SLC9A1: variants seen among roughly 807,000 people sequenced by gnomAD.
SLC9A1 encodes sodium/hydrogen exchanger 1.
A neutral mutation model predicts 67.9 loss-of-function variants in SLC9A1; 22 were observed. That is an observed-to-expected ratio of 0.32 (90% CI 0.23 to 0.46). The LOEUF (loss-of-function observed/expected upper bound fraction) is 0.46, where lower values mean the gene tolerates loss of function less well. Ranked by LOEUF, SLC9A1 falls within the 20% of genes least tolerant of loss-of-function variation. SLC9A1 has a pLI of 1.00. For synonymous variants in SLC9A1, 421 were observed against 471.8 expected, an observed-to-expected ratio of 0.89 and a Z score of 1.40; for missense variants, 686 against 1,094.8, an observed-to-expected ratio of 0.63 and a Z score of 5.27.
chr1:27,139,135 CT>C (rs1358965436), intron 1 of SLC9A1, among the ~76,000 whole-genome samples: 1 of 152,180 alleles, frequency 6.6e-6, no homozygotes, highest in East Asian at 1.9e-4. Flanking sequence ...CTCACCCAGA[CT>C]TTTCCTGCAG....
chr1:27,105,127 G>T (rs977959078), intron 5 of SLC9A1, among the ~76,000 whole-genome samples: 16 of 152,170 alleles, frequency 1.1e-4, no homozygotes, highest in Admixed American at 9.2e-4. Flanking sequence ...GCTGACTCCA[G>T]GCCTCCTGCT....
intron 1 of SLC9A1, among the ~76,000 whole-genome samples, chr1:27,149,477 C>T (rs192468465): frequency 3.1e-4 from 47 of 152,370 alleles, no homozygotes; most frequent in Admixed American, 6.5e-4. Context: ...AAAACACACA[C>T]ACCCGTTCAA....
chr1:27,152,035 A>G (rs2083531918), intron 1 of SLC9A1, among the ~76,000 whole-genome samples: 1 of 152,160 alleles, frequency 6.6e-6, no homozygotes, highest in Non-Finnish European at 1.5e-5. Context: ...AGATCAACTG[A>G]TGGGTAGGGA....
At chr1:27,127,383 C>T (rs912427649) in intron 1 of SLC9A1, among the ~76,000 whole-genome samples, 1 of 152,212 alleles carries the variant, frequency 6.6e-6, no homozygotes, top group African/African-American at 2.4e-5. Context: ...AGACTTTTCT[C>T]TCGCCCTCAC....
intron 1 of SLC9A1, among the ~76,000 whole-genome samples, chr1:27,143,084 T>C (rs1347273060): frequency 6.8e-6 from 1 of 147,642 alleles, no homozygotes; most frequent in East Asian, 2.0e-4. Context: ...GAGTCTATCA[T>C]GGGCCTTCTC....
At chr1:27,134,477 C>A (rs941511458) in intron 1 of SLC9A1, among the ~76,000 whole-genome samples, 1 of 152,154 alleles carries the variant, frequency 6.6e-6, no homozygotes, top group Non-Finnish European at 1.5e-5. Context: ...GATGAGAAAA[C>A]CAAAGCTCAG....
intron 1 of SLC9A1, among the ~76,000 whole-genome samples, chr1:27,125,229 TTTTC>T (rs2083333196): frequency 7.7e-6 from 1 of 129,484 alleles, no homozygotes; most frequent in Non-Finnish European, 1.6e-5. Context: ...CCTTCCTTCC[TTTTC>T]TTTCTTTTTT....
intron 1 of SLC9A1, among the ~76,000 whole-genome samples, chr1:27,139,708 A>G (rs1478161509): frequency 6.6e-6 from 1 of 151,988 alleles, no homozygotes; most frequent in Admixed American, 6.5e-5. Context: ...GCAAAGGTCA[A>G]TGGTTCTGCA....
In SLC9A1 at chr1:27,101,381, T is replaced by A; in HGVS notation, c.2038-106A>T. On this transcript the variant is annotated intron_variant, in intron 10 of 11. Coordinates refer to ENST00000263980, the MANE Select transcript of SLC9A1 (RefSeq NM_003047.5). This position sits in a 1 kb window ranked among gnomAD's most constrained non-coding sequence, Gnocchi z 4.9. ...CCCACCTTTCGTATATGCAGGGCGC[T>A]TGCTCCCCCTCCCTTGTGCCTGTGT... 1.2e-6 allele frequency: 1 copy of A among 838,806 alleles called. No homozygotes were observed. The highest frequency in any genetic ancestry group is 1.9e-6 in the Non-Finnish European group (1 of 515,784). 52.0% of individuals were successfully genotyped at this position (838,806 alleles called of 1,614,324 possible). A position where few individuals can be genotyped will look rare whatever the true frequency, so the allele number is the denominator to read the frequency against.
At chr1:27,115,577 C>T (rs2083267061) in intron 1 of SLC9A1, among the ~76,000 whole-genome samples, 1 of 151,932 alleles carries the variant, frequency 6.6e-6, no homozygotes, top group African/African-American at 2.4e-5. Context: ...TTTTAGGAGG[C>T]TGAGGTGGGA....
At chr1:27,121,003 T>C (rs1341370080) in intron 1 of SLC9A1, among the ~76,000 whole-genome samples, 4 of 152,138 alleles carry the variant, frequency 2.6e-5, no homozygotes, top group African/African-American at 7.2e-5. Flanking sequence ...AGAAAACAGC[T>C]TGTCAGGATC....
Position 27,154,495 on chromosome 1 carries a change from G to A in SLC9A1, c.-161C>T. ...CCATGGAAGCAATTTTCTGGGGGTGGAGGGAGGCTGGGTTTGCAATCTGGA... is the reference window on the plus strand; with the variant it reads ...CCATGGAAGCAATTTTCTGGGGGTGAAGGGAGGCTGGGTTTGCAATCTGGA... On this transcript the variant is annotated 5_prime_UTR_variant, in exon 1 of 12. Transcript: ENST00000263980. The A allele has an allele frequency of 1.9e-6, 1 of 533,916 alleles. No individual in the cohort carries two copies. Among genetic ancestry groups the A allele is most frequent in the South Asian group, 2.9e-5 (1 of 34,008 alleles). 33.1% of individuals were successfully genotyped at this position (533,916 alleles called of 1,614,324 possible).
At position 27,124,679 on chromosome 1, in the gene SLC9A1, C is replaced by T. The variant is rs531377183; in HGVS notation, c.353-10393G>A. 3.9e-5 allele frequency among the ~76,000 whole-genome samples: 6 copies of T among 152,306 alleles called. No homozygotes were observed. In the South Asian group the frequency reaches 1.2e-3, roughly 32 times the overall value. On this transcript the variant is annotated intron_variant, in intron 1 of 11. Transcript: ENST00000263980. ...GGGAGGCAACTGGGGCCCCTTCTAT[C>T]CCTAGTAGCTTTATCAGCTTTATGG...
At chr1:27,107,584 G>A in intron 4 of SLC9A1, 64 bp downstream of exon 4, 1 of 1,252,958 alleles carries the variant, frequency 8.0e-7, no homozygotes, top group Non-Finnish European at 1.1e-6. Flanking sequence ...CAGCACCACA[G>A]CCCACCACCC....
chr1:27,152,616 C>T (rs1283804745), intron 1 of SLC9A1, among the ~76,000 whole-genome samples: 1 of 152,140 alleles, frequency 6.6e-6, no homozygotes, highest in Non-Finnish European at 1.5e-5. Flanking sequence ...TTCCCCTTGT[C>T]CAGTCCTTGA....
chr1:27,102,043 C>T lies in SLC9A1; in HGVS notation c.1908G>A (p.Arg636=), dbSNP rs1396871040. The part of the protein sequence containing the change: ...DKEEEIRKIL[R]NNLQKTRQRL... The stretch of plus-strand genomic sequence containing the variant: ...GCTGCCTGGTCTTCTGCAAGTTGTT[C>T]CTCAGGATTTTGCGGATCTCCTCCT... Residue 636 remains arginine (R), a synonymous_variant, in exon 9 of 12, where the codon AGG becomes AGA. Transcript: ENST00000263980. The T allele has an allele frequency of 6.2e-7, 1 of 1,613,836 alleles. No homozygotes were observed. The highest frequency in any genetic ancestry group is 8.5e-7 in the Non-Finnish European group (1 of 1,179,824).
intron 1 of SLC9A1, among the ~76,000 whole-genome samples, chr1:27,146,429 TA>T (rs1485104812): frequency 6.6e-6 from 1 of 152,194 alleles, no homozygotes; most frequent in East Asian, 1.9e-4. Flanking sequence ...CTCAAAATAC[TA>T]AAGTCTTTAA....
intron 1 of SLC9A1, among the ~76,000 whole-genome samples, chr1:27,151,004 G>A (rs1570891075): frequency 6.6e-6 from 1 of 152,328 alleles, no homozygotes. Flanking sequence ...ATCTGAGAGT[G>A]CAGAGGGAGC....
chr1:27,102,580 C>G, intron 7 of SLC9A1, 22 bp from the exon 8 acceptor site: 1 of 1,608,860 alleles, frequency 6.2e-7, no homozygotes, highest in Non-Finnish European at 8.5e-7. Flanking sequence ...AGGAGGGAGA[C>G]GGATGGCGCC....
Sources: allele counts gnomAD v4.1 joint callset (sites outside exome capture counted in the v4.1 genomes callset), GRCh38; gene constraint gnomAD v4.1.1; non-coding constraint Gnocchi (gnomAD v3.1); transcripts MANE v1.5; gene names NCBI Gene and HGNC (gene_info 2026-07-23, HGNC 2026-07-21).